PSMD2: variants seen among roughly 807,000 people sequenced by gnomAD.
PSMD2 encodes the protein proteasome 26S subunit ubiquitin receptor, non-ATPase 2.
In PSMD2, 8 loss-of-function variants were observed where a neutral mutation model predicts 101.5. That is an observed-to-expected ratio of 0.08 (90% CI 0.05 to 0.14). PSMD2 has a LOEUF of 0.14. PSMD2 is among the 10% of genes least tolerant of loss of function. PSMD2 has a pLI of 1.00. For synonymous variants in PSMD2, 418 were observed against 433.8 expected (o/e 0.96, Z 0.45); for missense variants, 784 against 1,147.4 (o/e 0.68, Z 4.58).
rs367612965 is a variant in PSMD2, at chr3:184,302,666, G to T, written c.864-13G>T. 6.2e-7 allele frequency: 1 copy of T among 1,613,912 alleles called. No individual in the cohort carries two copies. The highest frequency in any genetic ancestry group is 8.5e-7 in the Non-Finnish European group (1 of 1,180,016). On this transcript the variant is annotated splice_polypyrimidine_tract_variant and intron_variant, in intron 6 of 20. Coordinates refer to ENST00000310118, the MANE Select transcript of PSMD2 (RefSeq NM_002808.5). ...TGGACAGTGATGAGCAGATGTACGG[G>T]CTCTCTCCACAGGGTAGTACAGAAA...
At position 184,308,053 on chromosome 3, in the gene PSMD2, A is replaced by G. The variant is rs771964243; in HGVS notation, c.2425+37A>G. The G allele has an allele frequency of 6.8e-6, 11 of 1,610,992 alleles. No homozygotes were observed. In the Admixed American group the frequency reaches 1.3e-4, roughly 20 times the overall value. On this transcript the variant is annotated intron_variant, in intron 19 of 20. Coordinates refer to ENST00000310118, the MANE Select transcript of PSMD2 (RefSeq NM_002808.5). The surrounding 1 kb of genome is among the most constrained non-coding windows in gnomAD (Gnocchi z 6.0). ...TCAGAAATTTTATATCATAGCATGC[A>G]GGGCTCTGACTCCACCCTTTCCAGG...
rs1577155190 is a variant in PSMD2, at chr3:184,300,675, C to T, written c.357+231C>T. ...GACTTTGGGGTTTCATTAGCATGGT[C>T]TACTTTTAACGTATGTTTAACCTTG... On this transcript the variant is annotated intron_variant, in intron 3 of 20. Coordinates refer to ENST00000310118, the MANE Select transcript of PSMD2 (RefSeq NM_002808.5). 7.8e-6 allele frequency: 10 copies of T among 1,285,328 alleles called. No homozygotes were observed. In the East Asian group the frequency reaches 3.2e-4, roughly 41 times the overall value. 79.6% of individuals were successfully genotyped at this position (1,285,328 alleles called of 1,614,324 possible). A position where few individuals can be genotyped will look rare whatever the true frequency, so the allele number is the denominator to read the frequency against.
chr3:184,306,792 G>A lies in PSMD2; in HGVS notation c.1992G>A (p.Glu664=). Residue 664 remains glutamate (E), a synonymous_variant, in exon 16 of 21, where the codon GAG becomes GAA. Transcript: ENST00000310118. ...VLGIALIAMG[E]EIGAEMALRT... ...GGATTGCCCTTATTGCTATGGGGGA[G>A]GAGATTGGTGCAGAGATGGCATTAC... is the stretch of plus-strand genomic sequence containing the variant. 1 of 1,614,092 alleles carries A rather than the reference G, an allele frequency of 6.2e-7. No individual in the cohort carries two copies. Among genetic ancestry groups the A allele is most frequent in the Non-Finnish European group, 8.5e-7 (1 of 1,180,010 alleles).
intron 1 of PSMD2, 48 bp downstream of exon 1, chr3:184,299,449 C>A: frequency 7.6e-7 from 1 of 1,312,640 alleles, no homozygotes; most frequent in South Asian, 2.0e-5. Context: ...GGGGCTGAGT[C>A]ACGGCGGCTC....
At position 184,300,356 on chromosome 3, in the gene PSMD2, C is replaced by A; in HGVS notation, c.269C>A (p.Thr90Asn). ...RQIRSSTTSMTSVPKPLKFLR... is the reference protein window; with the variant it reads ...RQIRSSTTSMNSVPKPLKFLR... ...ATTCGTTCTTCTACAACTTCCATGA[C>A]TTCAGTGCCCAAGCCTCTCAAATTT... The change falls in exon 3 of 21, where the codon ACT becomes AAT. Residue 90 changes from threonine to asparagine, a missense_variant. Transcript: ENST00000310118. 1 of 1,613,910 alleles carries A rather than the reference C, an allele frequency of 6.2e-7. No homozygotes were observed. Among genetic ancestry groups the A allele is most frequent in the Non-Finnish European group, 8.5e-7 (1 of 1,179,756 alleles).
intron 2 of PSMD2, 132 bp downstream of exon 2, chr3:184,300,039 G>A: frequency 2.1e-6 from 2 of 949,428 alleles, no homozygotes; most frequent in Non-Finnish European, 3.4e-6. Context: ...TGGGAGGCAG[G>A]AGAGTTACAA....
chr3:184,300,150 G>A (rs1577154747), intron 2 of PSMD2, 130 bp from the exon 3 acceptor site: 3 of 1,050,538 alleles, frequency 2.9e-6, no homozygotes, highest in Non-Finnish European at 1.4e-6. Flanking sequence ...GGTGCAGGGA[G>A]TTGAGGAATC....
chr3:184,302,283 A>G, intron 5 of PSMD2, 87 bp from the exon 6 acceptor site: 1 of 1,374,028 alleles, frequency 7.3e-7, no homozygotes, highest in Non-Finnish European at 9.9e-7. Flanking sequence ...TATAGTAGAT[A>G]TTTATTATTT....
chr3:184,305,865 C>T lies in PSMD2; in HGVS notation c.1637C>T (p.Ser546Leu), dbSNP rs1345764084. 5 of 1,614,188 alleles carry T rather than the reference C, an allele frequency of 3.1e-6. No individual in the cohort carries two copies. The South Asian group carries it at 4.4e-5, about 14-fold the overall frequency. Residue 546 changes from serine (S) to leucine (L), a missense_variant, in exon 13 of 21, where the codon TCA becomes TTA. Ser to Leu is a moderately radical substitution (Grantham distance 145, BLOSUM62 -2). This residue lies in a region of PSMD2 where 282 missense variants were observed against 437.6 expected (regional missense o/e 0.64). Coordinates refer to ENST00000310118, the MANE Select transcript of PSMD2 (RefSeq NM_002808.5). ...STILQTIMEK[S>L]ETELKDTYAR... ...ATCCTTCAGACCATCATGGAGAAGT[C>T]AGAGACTGAGCTCAAGGATACTTAT...
Position 184,305,754 on chromosome 3 carries a change from T to G in PSMD2, c.1540-14T>G. ...ATAACTTACTCTGTGTAATACTGAT[T>G]TTCCTACCTCTAGGTGGCAGGTGTC... On this transcript the variant is annotated splice_polypyrimidine_tract_variant and intron_variant, in intron 12 of 20. Transcript: ENST00000310118. 6.2e-7 allele frequency: 1 copy of G among 1,611,112 alleles called. No individual in the cohort carries two copies. The highest frequency in any genetic ancestry group is 1.3e-5 in the African/African-American group (1 of 74,988).
In PSMD2 at chr3:184,304,108, C is replaced by T; in HGVS notation, c.1451+34C>T. 2 of 1,612,318 alleles carry T rather than the reference C, an allele frequency of 1.2e-6. No homozygotes were observed. Among genetic ancestry groups the T allele is most frequent in the Non-Finnish European group, 1.7e-6 (2 of 1,178,926 alleles). On this transcript the variant is annotated intron_variant, in intron 11 of 20. Transcript: ENST00000310118. This position sits in a 1 kb window ranked among gnomAD's most constrained non-coding sequence, Gnocchi z 4.1. Reference sequence around the variant, plus strand: ...CCTCGCTTGTCTTTCTGGTAGTGCTCAGCCTGTACACTCTGGAGAACAGGA... The same window carrying T: ...CCTCGCTTGTCTTTCTGGTAGTGCTTAGCCTGTACACTCTGGAGAACAGGA...
At chr3:184,306,683 A>T in intron 15 of PSMD2, 68 bp from the exon 16 acceptor site, 1 of 1,555,228 alleles carries the variant, frequency 6.4e-7, no homozygotes, top group Non-Finnish European at 8.8e-7. Flanking sequence ...TTCAGATGGG[A>T]CTTGAGTCAA....
chr3:184,300,980 C>A (rs533918038), intron 3 of PSMD2, among the ~76,000 whole-genome samples: 1 of 152,122 alleles, frequency 6.6e-6, no homozygotes, highest in South Asian at 2.1e-4. Context: ...AAATTGAGAG[C>A]CTCCATTTTT....
chr3:184,300,648 TG>T, intron 3 of PSMD2: 1 of 1,366,154 alleles, frequency 7.3e-7, no homozygotes, highest in Non-Finnish European at 9.4e-7. Flanking sequence ...TCATGTGTAT[TG>T]GACTTTGGGG....
Position 184,303,305 on chromosome 3 carries a change from T to C in PSMD2, c.1070-15T>C. ...AAACCTTCTTTCCTTACTTTTCCTC[T>C]CCCTCCTGTTGCAGGGTTTGGGGGC... On this transcript the variant is annotated splice_polypyrimidine_tract_variant and intron_variant, in intron 8 of 20. Coordinates refer to ENST00000310118, the MANE Select transcript of PSMD2 (RefSeq NM_002808.5). 2 of 1,606,522 alleles carry C rather than the reference T, an allele frequency of 1.2e-6. No homozygotes were observed. Among genetic ancestry groups the C allele is most frequent in the Non-Finnish European group, 1.7e-6 (2 of 1,177,590 alleles).
chr3:184,304,041 A>C lies in PSMD2; in HGVS notation c.1418A>C (p.Asn473Thr). ...LALLSDYVLH[N>T]SNTMRLGSIF... ...CTGCTCTCAGACTATGTTCTCCACA[A>C]CAGCAACACCATGAGACTTGGTTCC... Residue 473 changes from asparagine to threonine, a missense_variant, in exon 11 of 21, where the codon AAC (asparagine) becomes ACC (threonine). By Grantham distance (65) the Asn-to-Thr change is moderately conservative. Transcript: ENST00000310118. The surrounding 1 kb of genome is among the most constrained non-coding windows in gnomAD (Gnocchi z 4.1). The C allele has an allele frequency of 6.2e-7, 1 of 1,614,148 alleles. No individual in the cohort carries two copies. Among genetic ancestry groups the C allele is most frequent in the South Asian group, 1.1e-5 (1 of 91,084 alleles).
Position 184,301,555 on chromosome 3 carries a change from A to G in PSMD2, c.376A>G (p.Ile126Val), listed in dbSNP as rs530139598. The G allele has an allele frequency of 1.1e-4, 173 of 1,613,810 alleles. 1 individual carries two copies. In the South Asian group the frequency reaches 1.5e-3, roughly 14 times the overall value. ...TTTATAGCGTTTTGCTGCTGACATC[A>G]TCTCCGTTTTGGCCATGACCATGAG... Reference protein sequence around the residue: ...GENKRFAADIISVLAMTMSGE... With the variant: ...GENKRFAADIVSVLAMTMSGE... Residue 126 changes from isoleucine (I) to valine (V), a missense_variant, in exon 4 of 21, where the codon ATC becomes GTC. Ile to Val is a conservative substitution (Grantham distance 29). Around this residue, in one of 6 missense-constraint regions of PSMD2, gnomAD observed 196 missense variants for 182.4 expected, o/e 1.07. Transcript: ENST00000310118.
At chr3:184,301,154 C>G (rs1319056924) in intron 3 of PSMD2, among the ~76,000 whole-genome samples, 2 of 150,978 alleles carry the variant, frequency 1.3e-5, no homozygotes. Flanking sequence ...CATGGTGAAA[C>G]CCCGTCTCTA....
Position 184,302,668 on chromosome 3 carries a change from T to C in PSMD2, c.864-11T>C, listed in dbSNP as rs758533284. The C allele has an allele frequency of 3.1e-6, 5 of 1,614,012 alleles. No homozygotes were observed. Among genetic ancestry groups the C allele is most frequent in the Non-Finnish European group, 4.2e-6 (5 of 1,179,998 alleles). On this transcript the variant is annotated splice_polypyrimidine_tract_variant and intron_variant, in intron 6 of 20. Transcript: ENST00000310118. ...GACAGTGATGAGCAGATGTACGGGCTCTCTCCACAGGGTAGTACAGAAACA... is the reference window on the plus strand; with the variant it reads ...GACAGTGATGAGCAGATGTACGGGCCCTCTCCACAGGGTAGTACAGAAACA...
Sources: allele counts gnomAD v4.1 joint callset (sites outside exome capture counted in the v4.1 genomes callset), GRCh38; gene constraint gnomAD v4.1.1; regional missense constraint gnomAD v4.1.1; non-coding constraint Gnocchi (gnomAD v3.1); transcripts MANE v1.5; gene names NCBI Gene and HGNC (gene_info 2026-07-23, HGNC 2026-07-21).